The following UMAD1 variants were observed in gnomAD, a reference collection of about 807,000 sequenced individuals.
UMAD1 encodes the protein UBAP1-MVB12-associated (UMA) domain containing 1, also known as UBAP1-MVB12-associated (UMA)-domain containing protein 1.
UMAD1 carries 8 observed loss-of-function variants against 6.1 expected under a neutral mutation model. The observed-to-expected ratio is 1.30, with a 90% CI of 0.76 to 2.35. The LOEUF is 2.35. UMAD1 is among the 30% of genes most tolerant of loss of function. The pLI is 0.00. For missense variants in UMAD1, 130 were observed against 78.4 expected (o/e 1.66, Z -2.49); for synonymous variants, 56 against 31.4 (o/e 1.78, Z -2.61).
chr7:7,717,411 C>G (rs937894329), intron 2 of UMAD1, among the ~76,000 whole-genome samples: 14 of 152,166 alleles, frequency 9.2e-5, no homozygotes, highest in Non-Finnish European at 1.2e-4. Context: ...CTTGTGTGTC[C>G]TCGTCCTTCA....
intron 2 of UMAD1, among the ~76,000 whole-genome samples, chr7:7,695,609 G>T (rs574388448): frequency 6.6e-6 from 1 of 152,208 alleles, no homozygotes; most frequent in Admixed American, 6.5e-5. Context: ...TGAATTTCTG[G>T]CAGTGGAATT....
chr7:7,758,228 G>C (rs1781817393), intron 2 of UMAD1, among the ~76,000 whole-genome samples: 1 of 151,834 alleles, frequency 6.6e-6, no homozygotes, highest in South Asian at 2.1e-4. Flanking sequence ...TTTTTGGTTT[G>C]TTTTTCTTAC....
rs909825132 is a variant in UMAD1 at position 7,731,656 on chromosome 7, G to A, written c.82+58203G>A. The stretch of plus-strand genomic sequence containing the variant: ...ATTGCCTATTTGTTTATAAGCTGCC[G>A]CAATAAAAGAGAGTTTTCAGAAAAA... On this transcript the variant is annotated intron_variant, in intron 2 of 3. Coordinates refer to ENST00000682710, the MANE Select transcript of UMAD1 (RefSeq NM_001302348.2). Among the ~76,000 whole-genome samples the A allele has an allele frequency of 3.9e-5, 6 of 152,212 alleles. No homozygotes were observed. The East Asian group carries it at 7.7e-4, about 20-fold the overall frequency.
At chr7:7,763,426 C>T (rs1485426162) in intron 2 of UMAD1, among the ~76,000 whole-genome samples, 1 of 152,122 alleles carries the variant, frequency 6.6e-6, no homozygotes, top group Non-Finnish European at 1.5e-5. Flanking sequence ...CTCCTCCACC[C>T]CCAGTAGACC....
chr7:7,813,902 G>C lies in UMAD1; in HGVS notation c.156+12159G>C, dbSNP rs1783073166. 2.0e-5 allele frequency among the ~76,000 whole-genome samples: 3 copies of C among 152,198 alleles called. No individual in the cohort carries two copies. The South Asian group carries it at 6.2e-4, about 31-fold the overall frequency. On this transcript the variant is annotated intron_variant, in intron 3 of 3. Coordinates refer to ENST00000682710, the MANE Select transcript of UMAD1 (RefSeq NM_001302348.2). ...GGAATTTACTGATATTTATTATGGAGGTGTTACTAAGGCATTGTCAACTAC... is the reference window on the plus strand; with the variant it reads ...GGAATTTACTGATATTTATTATGGACGTGTTACTAAGGCATTGTCAACTAC...
intron 1 of UMAD1, among the ~76,000 whole-genome samples, chr7:7,664,028 G>A (rs1366437803): frequency 2.0e-5 from 3 of 152,054 alleles, no homozygotes; most frequent in African/African-American, 4.8e-5. Context: ...CCACCTGAAG[G>A]CCAAGTCCAG....
chr7:7,807,680 C>T (rs968298718), intron 3 of UMAD1, among the ~76,000 whole-genome samples: 7 of 151,950 alleles, frequency 4.6e-5, no homozygotes, highest in Admixed American at 6.6e-5. Context: ...GATATTTTAG[C>T]GCATTTACAC....
chr7:7,653,073 A>G, intron 1 of UMAD1, among the ~76,000 whole-genome samples: 1 of 152,300 alleles, frequency 6.6e-6, no homozygotes, highest in Middle Eastern at 3.4e-3. Flanking sequence ...CATTATTTAG[A>G]TGTGTTTTAT....
At chr7:7,858,555 A>G (rs1784061126) in intron 3 of UMAD1, among the ~76,000 whole-genome samples, 1 of 152,236 alleles carries the variant, frequency 6.6e-6, no homozygotes, top group African/African-American at 2.4e-5. Context: ...ACTGGGTTTT[A>G]AAAGTTGACT....
intron 3 of UMAD1, among the ~76,000 whole-genome samples, chr7:7,814,042 G>A (rs1783076688): frequency 6.6e-6 from 1 of 151,688 alleles, no homozygotes; most frequent in Non-Finnish European, 1.5e-5. Context: ...GGAGCACAGT[G>A]GCGTGATCTC....
intron 2 of UMAD1, among the ~76,000 whole-genome samples, chr7:7,724,385 T>C (rs1356810728): frequency 6.6e-6 from 1 of 152,116 alleles, no homozygotes; most frequent in Non-Finnish European, 1.5e-5. Flanking sequence ...AGGGCCAGAA[T>C]GCATAATTGG....
chr7:7,850,870 C>A (rs1364518476), intron 3 of UMAD1, among the ~76,000 whole-genome samples: 2 of 151,976 alleles, frequency 1.3e-5, no homozygotes, highest in Non-Finnish European at 2.9e-5. Flanking sequence ...ATATACATTT[C>A]TTTTAAGTTC....
intron 3 of UMAD1, among the ~76,000 whole-genome samples, chr7:7,864,656 C>T (rs907676054): frequency 3.4e-5 from 5 of 146,338 alleles, no homozygotes; most frequent in African/African-American, 5.1e-5. Context: ...CACACAGTGG[C>T]GTCTTGAAGA....
chr7:7,697,167 T>G (rs917255484), intron 2 of UMAD1, among the ~76,000 whole-genome samples: 1 of 152,184 alleles, frequency 6.6e-6, no homozygotes, highest in Non-Finnish European at 1.5e-5. Context: ...TTGATGATCA[T>G]AATCCACTTC....
At chr7:7,746,820 G>C (rs988003525) in intron 2 of UMAD1, among the ~76,000 whole-genome samples, 1 of 152,200 alleles carries the variant, frequency 6.6e-6, no homozygotes, top group South Asian at 2.1e-4. Context: ...CACAACTTGA[G>C]AATGCCTTAT....
At chr7:7,767,764 A>G (rs1583810587) in intron 2 of UMAD1, among the ~76,000 whole-genome samples, 1 of 152,206 alleles carries the variant, frequency 6.6e-6, no homozygotes, top group African/African-American at 2.4e-5. Flanking sequence ...TGTATTACAT[A>G]TAAAGAAGCT....
intron 2 of UMAD1, among the ~76,000 whole-genome samples, chr7:7,785,604 A>G (rs1782447521): frequency 6.6e-6 from 1 of 152,234 alleles, no homozygotes. Flanking sequence ...GAAGGAGAAC[A>G]AGTAGAGGAA....
intron 2 of UMAD1, among the ~76,000 whole-genome samples, chr7:7,737,642 T>G (rs1223555983): frequency 6.6e-6 from 1 of 152,244 alleles, no homozygotes; most frequent in Non-Finnish European, 1.5e-5. Context: ...GGTTGTACTA[T>G]TATTTTAAAG....
intron 2 of UMAD1, among the ~76,000 whole-genome samples, chr7:7,708,952 GGA>G (rs1027213456): frequency 6.6e-6 from 1 of 151,072 alleles, no homozygotes; most frequent in African/African-American, 2.4e-5. Flanking sequence ...AGAGAGAGAG[GGA>G]GAGAGAGAGA....
Sources: gnomAD v4.1 joint callset for allele counts (sites outside exome capture counted in the v4.1 genomes callset) on GRCh38, gnomAD v4.1.1 for gene constraint, MANE v1.5 for transcripts, NCBI Gene and HGNC (gene_info 2026-07-23, HGNC 2026-07-21) for gene names.